The following DPY30 variants were observed in gnomAD, a reference collection of about 807,000 sequenced individuals.
The protein encoded by DPY30 is dpy-30 histone methyltransferase complex regulatory subunit.
Under a neutral mutation model 16.2 loss-of-function variants are expected in DPY30, and 6 were observed. The ratio of observed to expected loss-of-function variants is 0.37; its 90% CI spans 0.20 to 0.73. The LOEUF (loss-of-function observed/expected upper bound fraction) is 0.73. Ranked by LOEUF, DPY30 falls within the 30% of genes least tolerant of loss-of-function variation. The pLI is 0.51. For missense variants in DPY30, 73 were observed against 113.1 expected, an observed-to-expected ratio of 0.65 and a Z score of 1.61; for synonymous variants, 39 against 38.8, an observed-to-expected ratio of 1.00 and a Z score of -0.02.
At chr2:32,034,000 A>G (rs528251486) in intron 3 of DPY30, among the ~76,000 whole-genome samples, 1 of 152,046 alleles carries the variant, frequency 6.6e-6, no homozygotes, top group Non-Finnish European at 1.5e-5. Context: ...AGAGAACTTG[A>G]ACAGAGCCTA....
intron 4 of DPY30, among the ~76,000 whole-genome samples, chr2:32,026,605 A>C (rs1675340090): frequency 6.6e-6 from 1 of 152,180 alleles, no homozygotes; most frequent in African/African-American, 2.4e-5. Flanking sequence ...AGCCTAATCA[A>C]CATGGTAAAA....
chr2:32,037,855 T>C (rs1460261101), intron 3 of DPY30, among the ~76,000 whole-genome samples: 5 of 151,936 alleles, frequency 3.3e-5, no homozygotes, highest in Non-Finnish European at 5.9e-5. Context: ...GCCCAGCCTG[T>C]ATGCTTTATT....
intron 1 of DPY30, 21 bp downstream of exon 1, chr2:32,039,712 G>T (rs1399209829): frequency 3.5e-6 from 2 of 579,434 alleles, no homozygotes; most frequent in Non-Finnish European, 6.1e-6. Context: ...GTGAGAAAGT[G>T]GGGGAAAGGG....
chr2:32,039,237 CAA>C, intron 3 of DPY30, 40 bp downstream of exon 3: 2 of 1,613,894 alleles, frequency 1.2e-6, no homozygotes, highest in Non-Finnish European at 1.7e-6. Flanking sequence ...CTCCAGCTTG[CAA>C]GAGACAACAC....
chr2:32,029,883 A>G, intron 3 of DPY30, 147 bp from the exon 4 acceptor site: 1 of 800,816 alleles, frequency 1.2e-6, no homozygotes, highest in Non-Finnish European at 2.0e-6. Context: ...TTCTCTGCCC[A>G]AAATAAATTC....
intron 4 of DPY30, among the ~76,000 whole-genome samples, chr2:32,025,136 C>A (rs1675281337): frequency 6.6e-6 from 1 of 152,136 alleles, no homozygotes; most frequent in African/African-American, 2.4e-5. Context: ...TTAGGGTTCA[C>A]ATGATGAATT....
In DPY30 at chr2:32,032,137, A is replaced by C. The variant is rs571972713; in HGVS notation, c.85-2401T>G. On this transcript the variant is annotated intron_variant, in intron 3 of 4. Coordinates refer to ENST00000342166, the MANE Select transcript of DPY30 (RefSeq NM_001321209.2). ...GTAACATATATAGCATGGTTTCCAA[A>C]GACACTTCCCATAACTATGTCAGAC... Among the ~76,000 whole-genome samples, 32 of 152,300 alleles carry C rather than the reference A, an allele frequency of 2.1e-4. No homozygotes were observed. In the South Asian group the frequency reaches 6.4e-3, roughly 31 times the overall value.
intron 3 of DPY30, among the ~76,000 whole-genome samples, chr2:32,032,576 G>A (rs1185254286): frequency 2.6e-5 from 4 of 152,114 alleles, no homozygotes; most frequent in South Asian, 2.1e-4. Context: ...AAAACTACTC[G>A]GGGCCAGGCA....
At chr2:32,021,494 A>C (rs539536594), downstream of DPY30, among the ~76,000 whole-genome samples, 1 of 152,042 alleles carries the variant, frequency 6.6e-6, no homozygotes, top group African/African-American at 2.4e-5. Context: ...CCTGGCCAAC[A>C]TGGTAAAACC....
At chr2:32,021,587 G>A (rs771317675), downstream of DPY30, among the ~76,000 whole-genome samples, 9 of 151,274 alleles carry the variant, frequency 5.9e-5, no homozygotes, top group African/African-American at 1.9e-4. Flanking sequence ...GCTGAGACAG[G>A]AGAATCGCTT....
At chr2:32,038,173 T>C (rs887633186) in intron 3 of DPY30, among the ~76,000 whole-genome samples, 1 of 149,038 alleles carries the variant, frequency 6.7e-6, no homozygotes, top group Non-Finnish European at 1.5e-5. Flanking sequence ...TCTCGCTTTA[T>C]CACCCAGGAT....
intron 5 of DPY30, among the ~76,000 whole-genome samples, chr2:32,012,905 G>A (rs1335524463): frequency 6.6e-6 from 1 of 152,186 alleles, no homozygotes; most frequent in Non-Finnish European, 1.5e-5. Context: ...GGTTCTTATG[G>A]TTATTTATTG....
chr2:32,039,761 C>T lies in DPY30; in HGVS notation c.-65G>A. On this transcript the variant is annotated 5_prime_UTR_variant, in exon 1 of 5. Coordinates refer to ENST00000342166, the MANE Select transcript of DPY30 (RefSeq NM_001321209.2). ...CGCCCAAGCCGTTCGTTCTTAAGAG[C>T]CCTGCACCGCGCCACCAGCTCCCAG... is the stretch of plus-strand genomic sequence containing the variant. 2 of 471,574 alleles carry T rather than the reference C, an allele frequency of 4.2e-6. No individual in the cohort carries two copies. The highest frequency in any genetic ancestry group is 3.5e-5 in the East Asian group (1 of 28,634). The allele number at this position is 471,574 out of a possible 1,614,324, so 29.2% of individuals were successfully genotyped here.
chr2:32,035,677 T>C (rs1444620579), intron 3 of DPY30, among the ~76,000 whole-genome samples: 1 of 151,632 alleles, frequency 6.6e-6, no homozygotes, highest in Non-Finnish European at 1.5e-5. Context: ...CTCACATCTG[T>C]AATCCCAGCA....
intron 4 of DPY30, among the ~76,000 whole-genome samples, chr2:32,026,097 G>C (rs1477791076): frequency 6.6e-6 from 1 of 151,678 alleles, no homozygotes; most frequent in African/African-American, 2.4e-5. Flanking sequence ...AACAGAGCAA[G>C]ACTCCATGTC....
chr2:32,023,994 A>G lies in DPY30; in HGVS notation c.*190T>C. On this transcript the variant is annotated 3_prime_UTR_variant, in exon 5 of 5. Transcript: ENST00000342166. ...AAATTGCACAGAATACACTCATTAA[A>G]TAGGTATGGTTTATGGTGATTAAAT... The G allele has an allele frequency of 6.9e-7, 1 of 1,441,128 alleles. No homozygotes were observed. Among genetic ancestry groups the G allele is most frequent in the South Asian group, 1.5e-5 (1 of 68,652 alleles). The allele number at this position is 1,441,128 out of a possible 1,614,324, so 89.3% of individuals were successfully genotyped here.
At chr2:32,035,446 C>CA (rs1175745414) in intron 3 of DPY30, among the ~76,000 whole-genome samples, 1 of 150,882 alleles carries the variant, frequency 6.6e-6, no homozygotes, top group Non-Finnish European at 1.5e-5. Flanking sequence ...TACTAAAATA[C>CA]AAAAAATTAG....
At chr2:32,025,735 C>T (rs1675307637) in intron 4 of DPY30, among the ~76,000 whole-genome samples, 1 of 150,450 alleles carries the variant, frequency 6.6e-6, no homozygotes, top group African/African-American at 2.5e-5. Context: ...GCCCTCCAGC[C>T]TGCCGCAACA....
At chr2:32,023,074 TTGGG>T (rs1675220178), downstream of DPY30, among the ~76,000 whole-genome samples, 1 of 151,368 alleles carries the variant, frequency 6.6e-6, no homozygotes, top group South Asian at 2.1e-4. Context: ...TCCCAGCACT[TTGGG>T]GGGCCAAGGC....
Sources: allele counts gnomAD v4.1 joint callset (sites outside exome capture counted in the v4.1 genomes callset), GRCh38; gene constraint gnomAD v4.1.1; transcripts MANE v1.5; gene names NCBI Gene and HGNC (gene_info 2026-07-23, HGNC 2026-07-21).